Variants in ASIP observed in about 807,000 individuals in gnomAD.
ASIP encodes the protein agouti-signaling protein.
In ASIP, 11 loss-of-function variants were observed where a neutral mutation model predicts 10.3. The observed-to-expected ratio is 1.07, with a 90% confidence interval of 0.68 to 1.78. ASIP has a LOEUF of 1.78. Among genes scored for constraint, ASIP ranks in the 40% most tolerant of loss-of-function variants. ASIP has a pLI of 0.00. For synonymous variants in ASIP, 70 were observed against 70.8 expected (o/e 0.99, Z 0.06); for missense variants, 180 against 169.2 (o/e 1.06, Z -0.35).
chr20:34,267,459 C>CAAAAAA lies in ASIP; in HGVS notation c.223-1513_223-1508dup, dbSNP rs953440256. 1.3e-3 allele frequency among the ~76,000 whole-genome samples: 60 copies of CAAAAAA among 46,176 alleles called. 2 individuals are homozygous for CAAAAAA. The highest frequency in any genetic ancestry group is 2.0e-3 in the African/African-American group (27 of 13,578). The allele number at this position is 46,176 out of a possible 152,430, so 30.3% of individuals were successfully genotyped here. On this transcript the variant is annotated intron_variant, in intron 3 of 3. Transcript: ENST00000374954. The stretch of plus-strand genomic sequence containing the variant: ...GGGCGACAAGAGTGAAACTGGCTCT[C>CAAAAAA]AAAAAAAAAAAAAAAAAAAAAAAAG...
At chr20:34,233,637 C>T (rs1422710067) in intron 1 of ASIP, among the ~76,000 whole-genome samples, 3 of 152,048 alleles carry the variant, frequency 2.0e-5, no homozygotes, top group Non-Finnish European at 2.9e-5. Context: ...TCAATGGTAC[C>T]ACCAGTCTGA....
rs2034889360 is a variant in ASIP, at chr20:34,200,969, T to TTCCTTCCTTCC, written c.-11+6210_-11+6211insCCTTCCTTCCT. On this transcript the variant is annotated intron_variant, in intron 1 of 3. Coordinates refer to the ASIP transcript ENST00000568305. ...TTGATTTTCTTTCTTTCTTTCTTTC[T>TTCCTTCCTTCC]TTCCTTCCTTCCTTCCTTCCTTCCT... Among the ~76,000 whole-genome samples, 4 of 72,970 alleles carry TTCCTTCCTTCC rather than the reference T, an allele frequency of 5.5e-5. No individual in the cohort carries two copies. The East Asian group carries it at 1.2e-3, about 23-fold the overall frequency. The allele number at this position is 72,970 out of a possible 152,430, so 47.9% of individuals were successfully genotyped here.
intron 1 of ASIP, among the ~76,000 whole-genome samples, chr20:34,223,218 G>A (rs2035062934): frequency 6.6e-6 from 1 of 151,760 alleles, no homozygotes; most frequent in Non-Finnish European, 1.5e-5. Context: ...CATCTAGGAA[G>A]TGAGGAGCGT....
At chr20:34,238,741 T>C (rs1360169225), upstream of ASIP, among the ~76,000 whole-genome samples, 1 of 152,206 alleles carries the variant, frequency 6.6e-6, no homozygotes, top group Non-Finnish European at 1.5e-5. Context: ...GGTTGAAAAC[T>C]AGACATTTTA....
At chr20:34,220,240 T>G (rs1321794738) in intron 1 of ASIP, among the ~76,000 whole-genome samples, 1 of 152,046 alleles carries the variant, frequency 6.6e-6, no homozygotes, top group Non-Finnish European at 1.5e-5. Context: ...CTCATGAAAC[T>G]CAAAGTCTAA....
the ASIP span, among the ~76,000 whole-genome samples, chr20:34,189,174 A>T: frequency 8.8e-4 from 134 of 152,356 alleles, 2 homozygotes; most frequent in South Asian, 1.0e-2. Context: ...TCAAGCAATA[A>T]GGAGCAGAGC....
At chr20:34,261,720 T>G (rs1326026233) in intron 2 of ASIP, among the ~76,000 whole-genome samples, 2 of 152,286 alleles carry the variant, frequency 1.3e-5, no homozygotes, top group South Asian at 2.1e-4. Flanking sequence ...GAGGATTGCT[T>G]GAGCCCAGGA....
intron 1 of ASIP, among the ~76,000 whole-genome samples, chr20:34,220,602 A>AT (rs1435718049): frequency 6.6e-6 from 1 of 152,114 alleles, no homozygotes; most frequent in African/African-American, 2.4e-5. Context: ...CTCAAAAAAA[A>AT]AAAAAAGAAG....
rs1490698365 is a variant in ASIP at position 34,269,174 on chromosome 20, C to T, written c.*7C>T. The T allele has an allele frequency of 6.7e-7, 1 of 1,498,584 alleles. No homozygotes were observed. The highest frequency in any genetic ancestry group is 1.3e-5 in the South Asian group (1 of 78,448). The allele number at this position is 1,498,584 out of a possible 1,614,324, so 92.8% of individuals were successfully genotyped here. On this transcript the variant is annotated 3_prime_UTR_variant, in exon 4 of 4. Coordinates refer to ENST00000374954, the MANE Select transcript of ASIP (RefSeq NM_001672.3). ...GCTCAGCCTCAACTGCTGAGCGCCC[C>T]CACTCCCGGCCGCGAGCAGGCAGGG...
At chr20:34,209,136 T>G (rs867427155) in intron 1 of ASIP, among the ~76,000 whole-genome samples, 1 of 152,234 alleles carries the variant, frequency 6.6e-6, no homozygotes, top group Non-Finnish European at 1.5e-5. Context: ...CTAGGACTTG[T>G]AGTACTGATG....
chr20:34,269,191 C>T lies in ASIP; in HGVS notation c.*24C>T. On this transcript the variant is annotated 3_prime_UTR_variant, in exon 4 of 4. Coordinates refer to ENST00000374954, the MANE Select transcript of ASIP (RefSeq NM_001672.3). ...GAGCGCCCCCACTCCCGGCCGCGAG[C>T]AGGCAGGGCTTCGGGGACGCGGGGC... The T allele has an allele frequency of 2.0e-6, 3 of 1,478,378 alleles. No individual in the cohort carries two copies. Among genetic ancestry groups the T allele is most frequent in the South Asian group, 2.7e-5 (2 of 74,872 alleles). 91.6% of individuals were successfully genotyped at this position (1,478,378 alleles called of 1,614,324 possible).
At chr20:34,211,093 G>C (rs1038460884) in intron 1 of ASIP, among the ~76,000 whole-genome samples, 1 of 152,144 alleles carries the variant, frequency 6.6e-6, no homozygotes, top group Non-Finnish European at 1.5e-5. Flanking sequence ...TTAGTGGCTT[G>C]ATTATAGCTC....
chr20:34,201,433 CTCTT>C (rs1211496842), intron 1 of ASIP, among the ~76,000 whole-genome samples: 2 of 152,282 alleles, frequency 1.3e-5, no homozygotes, highest in Middle Eastern at 3.4e-3. Context: ...TACCATTCAC[CTCTT>C]TGTTTTTTTG....
chr20:34,253,759 C>T (rs543446383), intron 1 of ASIP, among the ~76,000 whole-genome samples: 3 of 152,158 alleles, frequency 2.0e-5, no homozygotes, highest in Admixed American at 6.5e-5. Context: ...GCGTGAGTGC[C>T]GGGCCCTTAA....
intron 1 of ASIP, among the ~76,000 whole-genome samples, chr20:34,197,153 T>C (rs1181496609): frequency 6.6e-6 from 1 of 152,060 alleles, no homozygotes; most frequent in Non-Finnish European, 1.5e-5. Context: ...GGCAGGTGGA[T>C]CACGAGGTCA....
chr20:34,188,357 C>G, the ASIP span, among the ~76,000 whole-genome samples: 2 of 152,204 alleles, frequency 1.3e-5, no homozygotes, highest in African/African-American at 4.8e-5. Flanking sequence ...TTAAGTTAAA[C>G]AGAAGATGAC....
Position 34,246,250 on chromosome 20 carries a change from T to TCTCTTCTGTTTTTTTCTTCTC in ASIP, c.-11+4775_-11+4776insTCTTCTCCTCTTCTGTTTTTT, listed in dbSNP as rs565282738. 2.1e-3 allele frequency: 3,176 copies of TCTCTTCTGTTTTTTTCTTCTC among 1,547,790 alleles called. 67 individuals carry two copies. In the African/African-American group the frequency reaches 0.039, roughly 19 times the overall value. ...TTTGTTTTATTTGGCCTCTTCCACC[T>TCTCTTCTGTTTTTTTCTTCTC]CTCTTCTGTTTTTTCTTCTCCTCTT... On this transcript the variant is annotated intron_variant, in intron 1 of 3. Transcript: ENST00000374954.
chr20:34,187,333 C>A, the ASIP span, among the ~76,000 whole-genome samples: 3 of 152,124 alleles, frequency 2.0e-5, no homozygotes, highest in African/African-American at 7.2e-5. Context: ...GAAATCTTTG[C>A]CTTAGCTGTG....
At chr20:34,187,635 T>C in the ASIP span, among the ~76,000 whole-genome samples, 1 of 152,264 alleles carries the variant, frequency 6.6e-6, no homozygotes, top group African/African-American at 2.4e-5. Context: ...ATGTATCCAT[T>C]GCTAATGTTA....
Sources: allele counts gnomAD v4.1 joint callset (sites outside exome capture counted in the v4.1 genomes callset), GRCh38; gene constraint gnomAD v4.1.1; transcripts MANE v1.5; gene names NCBI Gene and HGNC (gene_info 2026-07-23, HGNC 2026-07-21).